BPI: variants seen among roughly 807,000 people sequenced by gnomAD.
BPI encodes bactericidal permeability increasing protein.
A neutral mutation model predicts 57.6 loss-of-function variants in BPI; 48 were observed. The observed-to-expected ratio is 0.83, with a 90% confidence interval of 0.66 to 1.06. The LOEUF is 1.06. Among genes scored for constraint, BPI ranks in the 50% least tolerant of loss-of-function variants. The pLI, the probability that BPI is intolerant of heterozygous loss-of-function variation, is 0.00. For missense variants in BPI, 651 were observed against 609.7 expected (o/e 1.07, Z -0.71); for synonymous variants, 237 against 238.2 (o/e 0.99, Z 0.05).
At chr20:38,331,111 G>A (rs764626187) in intron 12 of BPI, 21 bp downstream of exon 12, 2 of 1,613,152 alleles carry the variant, frequency 1.2e-6, no homozygotes, top group East Asian at 2.2e-5. Flanking sequence ...GGCCCTTGGT[G>A]GCTTCTTCCT....
chr20:38,328,404 T>G (rs898859812), intron 11 of BPI, among the ~76,000 whole-genome samples: 4 of 151,694 alleles, frequency 2.6e-5, no homozygotes, highest in African/African-American at 9.7e-5. Context: ...AATAAAAAAT[T>G]AACTGGGCAT....
At position 38,337,335 on chromosome 20, in the gene BPI, G is replaced by A. The variant is rs534552035; in HGVS notation, c.*151G>A. On this transcript the variant is annotated 3_prime_UTR_variant, in exon 15 of 15. Transcript: ENST00000642449. ...TCAGATTCAGAAATGATCTAAACAC[G>A]AGGAAACATTATTCATTGGAAAAGT... 15 of 624,820 alleles carry A rather than the reference G, an allele frequency of 2.4e-5. No individual in the cohort carries two copies. The highest frequency in any genetic ancestry group is 6.7e-5 in the South Asian group (3 of 44,876). The allele number at this position is 624,820 out of a possible 1,614,324, so 38.7% of individuals were successfully genotyped here.
intron 7 of BPI, 131 bp downstream of exon 7, chr20:38,320,405 TC>T (rs1246383412): frequency 5.5e-6 from 4 of 729,638 alleles, no homozygotes; most frequent in Non-Finnish European, 8.7e-6. Flanking sequence ...CTCTCTACTC[TC>T]CCCGCCTCTC....
intron 1 of BPI, 78 bp downstream of exon 1, chr20:38,304,431 A>G (rs1753456495): frequency 6.5e-7 from 1 of 1,550,308 alleles, no homozygotes. Context: ...ACCCCTTTAG[A>G]TCCAGCACCT....
Position 38,314,148 on chromosome 20 carries a change from A to AT in BPI, c.600+2211_600+2212insT, listed in dbSNP as rs2076637056. Among the ~76,000 whole-genome samples, 4 of 59,726 alleles carry AT rather than the reference A, an allele frequency of 6.7e-5. 1 individual carries two copies. The highest frequency in any genetic ancestry group is 7.8e-5 in the Non-Finnish European group (2 of 25,650). The allele number at this position is 59,726 out of a possible 152,430, so 39.2% of individuals were successfully genotyped here. A position where few individuals can be genotyped will look rare whatever the true frequency, so the allele number is the denominator to read the frequency against. ...GATGATGATGATGATGGTGGTGGTG[A>AT]GATTGAGGATGGTGATGGTGGGGAT... On this transcript the variant is annotated intron_variant, in intron 5 of 14. Coordinates refer to ENST00000642449, the MANE Select transcript of BPI (RefSeq NM_001725.3).
Position 38,331,863 on chromosome 20 carries a change from G to A in BPI, c.1272+773G>A, listed in dbSNP as rs988397582. Among the ~76,000 whole-genome samples the A allele has an allele frequency of 2.1e-3, 287 of 135,130 alleles. 1 individual carries two copies. The highest frequency in any genetic ancestry group is 7.1e-3 in the African/African-American group (280 of 39,274). 88.7% of individuals were successfully genotyped at this position (135,130 alleles called of 152,430 possible). ...TGTCTCAAAAAAAAAAAAAAAAAGA[G>A]AGAGAAGATCGTTTCAGTCACAATC... On this transcript the variant is annotated intron_variant, in intron 12 of 14. Coordinates refer to ENST00000642449, the MANE Select transcript of BPI (RefSeq NM_001725.3).
intron 5 of BPI, among the ~76,000 whole-genome samples, chr20:38,313,706 A>G (rs901285235): frequency 1.3e-5 from 2 of 152,142 alleles, no homozygotes; most frequent in Admixed American, 1.3e-4. Flanking sequence ...GGTAATGGTA[A>G]TGGTGGGGAT....
chr20:38,318,614 T>C, intron 6 of BPI, 138 bp downstream of exon 6: 1 of 910,920 alleles, frequency 1.1e-6, no homozygotes, highest in Non-Finnish European at 1.8e-6. Flanking sequence ...TAGTACATTA[T>C]TTTCAAGAGG....
intron 5 of BPI, among the ~76,000 whole-genome samples, chr20:38,313,796 GGGATGATGATGATGGTGATGGTGA>G (rs2076633840): frequency 1.4e-5 from 2 of 141,894 alleles, no homozygotes; most frequent in Admixed American, 1.4e-4. Flanking sequence ...GGTGATGGTG[GGGATGATGATGATGGTGATGGTGA>G]GGATGATAAT....
rs1270354808 is a variant in BPI, at chr20:38,304,271, G to A, written c.48G>A (p.Val16=). 1 of 1,614,162 alleles carries A rather than the reference G, an allele frequency of 6.2e-7. No homozygotes were observed. Among genetic ancestry groups the A allele is most frequent in the Non-Finnish European group, 8.5e-7 (1 of 1,180,016 alleles). The stretch of plus-strand genomic sequence containing the variant: ...CGCCGAGATGGGCGTCCCTGATGGT[G>A]CTGGTCGCCATAGGCACCGCCGTGA... The part of the protein sequence containing the change: ...CNAPRWASLM[V]LVAIGTAVTA... The change falls in exon 1 of 15, where the codon GTG becomes GTA. Residue 16 remains valine (V), a synonymous_variant. Coordinates refer to ENST00000642449, the MANE Select transcript of BPI (RefSeq NM_001725.3).
chr20:38,331,208 G>C lies in BPI; in HGVS notation c.1272+118G>C, dbSNP rs547659712. ...TACTGGCTCATTTGCATTTAATTTG[G>C]TTGTGAATTAATAGTTCAAGGAGCT... On this transcript the variant is annotated intron_variant, in intron 12 of 14. Coordinates refer to ENST00000642449, the MANE Select transcript of BPI (RefSeq NM_001725.3). 1.2e-5 allele frequency: 15 copies of C among 1,277,842 alleles called. No individual in the cohort carries two copies. The South Asian group carries it at 1.9e-4, about 17-fold the overall frequency. The allele number at this position is 1,277,842 out of a possible 1,614,324, so 79.2% of individuals were successfully genotyped here. A position where few individuals can be genotyped will look rare whatever the true frequency, so the allele number is the denominator to read the frequency against.
At chr20:38,334,221 G>A (rs888907791) in intron 12 of BPI, among the ~76,000 whole-genome samples, 2 of 152,174 alleles carry the variant, frequency 1.3e-5, no homozygotes, top group Non-Finnish European at 2.9e-5. Flanking sequence ...GGAACCATTG[G>A]AGCAAAAGAA....
chr20:38,318,025 T>C, intron 5 of BPI: 1 of 985,134 alleles, frequency 1.0e-6, no homozygotes, highest in Non-Finnish European at 1.2e-6. Flanking sequence ...GGCTGGCCAT[T>C]GACTACCTCG....
Position 38,331,062 on chromosome 20 carries a change from T to G in BPI, c.1244T>G (p.Leu415Arg). ...ELKLDRLLLELKHSNIGPFPV... is the reference protein window; with the variant it reads ...ELKLDRLLLERKHSNIGPFPV... ...CCCTCTCACAGGCTGCTCCTGGAAC[T>G]GAAGCACTCAAATATTGGCCCCTTC... The change falls in exon 12 of 15, where the codon CTG (leucine) becomes CGG (arginine). Residue 415 changes from leucine (L) to arginine (R), a missense_variant. Physicochemically the swap from Leu to Arg is moderately radical, Grantham distance 102 (BLOSUM62 -2). Transcript: ENST00000642449. The G allele has an allele frequency of 6.2e-7, 1 of 1,614,138 alleles. No individual in the cohort carries two copies. The highest frequency in any genetic ancestry group is 8.5e-7 in the Non-Finnish European group (1 of 1,180,002).
At chr20:38,336,249 C>T (rs2076766888) in intron 14 of BPI, among the ~76,000 whole-genome samples, 1 of 152,032 alleles carries the variant, frequency 6.6e-6, no homozygotes. Flanking sequence ...TCTCTGCAAG[C>T]TGGAGATCTC....
chr20:38,309,023 G>A lies in BPI; in HGVS notation c.339G>A (p.Lys113=). The A allele has an allele frequency of 6.2e-7, 1 of 1,614,212 alleles. No individual in the cohort carries two copies. Among genetic ancestry groups the A allele is most frequent in the Non-Finnish European group, 8.5e-7 (1 of 1,180,044 alleles). ...LKFSISNANI[K]ISGKWKAQKR... is the part of the protein sequence containing the mutation. ...TCTCCATCAGCAACGCCAATATCAA[G>A]ATCAGCGGGAAATGGAAGGCACAAA... The change falls in exon 3 of 15, where the codon AAG becomes AAA. Residue 113 remains lysine (K), a synonymous_variant. Coordinates refer to ENST00000642449, the MANE Select transcript of BPI (RefSeq NM_001725.3).
chr20:38,323,845 C>T (rs375893065), intron 7 of BPI, 25 bp from the exon 8 acceptor site: 18 of 1,608,234 alleles, frequency 1.1e-5, no homozygotes, highest in Non-Finnish European at 1.4e-5. Flanking sequence ...AATATCTGGG[C>T]TCACTCTGTT....
At chr20:38,334,899 G>A (rs1045113598) in intron 13 of BPI, among the ~76,000 whole-genome samples, 2 of 152,120 alleles carry the variant, frequency 1.3e-5, no homozygotes, top group East Asian at 1.9e-4. Context: ...GGATGAGGGG[G>A]TTCCCTGATA....
At chr20:38,315,004 T>A (rs1389091521) in intron 5 of BPI, among the ~76,000 whole-genome samples, 1 of 152,012 alleles carries the variant, frequency 6.6e-6, no homozygotes, top group Non-Finnish European at 1.5e-5. Flanking sequence ...GCGAGGTTGA[T>A]GGTGATGGTG....
Sources: allele counts gnomAD v4.1 joint callset (sites outside exome capture counted in the v4.1 genomes callset), GRCh38; gene constraint gnomAD v4.1.1; transcripts MANE v1.5; gene names NCBI Gene and HGNC (gene_info 2026-07-23, HGNC 2026-07-21).